The following UNC13C variants were observed in gnomAD, a reference collection of about 807,000 sequenced individuals.
The protein encoded by UNC13C is unc-13 homolog C, also known as protein unc-13 homolog C.
Under a neutral mutation model 245.4 loss-of-function variants are expected in UNC13C, and 174 were observed. The ratio of observed to expected loss-of-function variants is 0.71; its 90% confidence interval spans 0.63 to 0.80. The LOEUF is 0.80. UNC13C is among the 30% of genes least tolerant of loss of function. The pLI, the probability that UNC13C is intolerant of heterozygous loss-of-function variation, is 0.00. For missense variants in UNC13C, 2,829 were observed against 2,602.9 expected, an observed-to-expected ratio of 1.09 and a Z score of -1.89; for synonymous variants, 992 against 895.1, an observed-to-expected ratio of 1.11 and a Z score of -1.93.
At chr15:54,573,443 A>G (rs1555396983) in intron 30 of UNC13C, among the ~76,000 whole-genome samples, 1 of 152,254 alleles carries the variant, frequency 6.6e-6, no homozygotes, top group Non-Finnish European at 1.5e-5. Context: ...TGGATGTAGA[A>G]GTATTCTTAA....
intron 2 of UNC13C, chr15:54,049,048 A>G (rs1897162240): frequency 2.6e-6 from 1 of 388,714 alleles, no homozygotes; most frequent in African/African-American, 2.1e-5. Flanking sequence ...GAAGTGATAT[A>G]GATATCTCTA....
intron 30 of UNC13C, among the ~76,000 whole-genome samples, chr15:54,584,725 A>C (rs1898397542): frequency 6.6e-6 from 1 of 152,258 alleles, no homozygotes. Context: ...ACAAATGTTC[A>C]CTGTGCAGAG....
At chr15:54,215,522 A>T (rs1273677423) in intron 4 of UNC13C, among the ~76,000 whole-genome samples, 6 of 152,020 alleles carry the variant, frequency 3.9e-5, no homozygotes, top group Admixed American at 3.9e-4. Context: ...AAGGTTTGAA[A>T]GAAAGCCTGC....
At chr15:54,138,902 T>C (rs1595899793) in intron 2 of UNC13C, among the ~76,000 whole-genome samples, 1 of 150,214 alleles carries the variant, frequency 6.7e-6, no homozygotes, top group African/African-American at 2.4e-5. Context: ...GAAGCATCAC[T>C]AATCTTTACT....
At chr15:54,026,043 A>G (rs1014332097) in intron 2 of UNC13C, among the ~76,000 whole-genome samples, 2 of 152,168 alleles carry the variant, frequency 1.3e-5, no homozygotes, top group Non-Finnish European at 2.9e-5. Flanking sequence ...AGGCACACAT[A>G]CTGGTGTTCC....
At chr15:54,367,094 A>G (rs189785089) in intron 17 of UNC13C, among the ~76,000 whole-genome samples, 13 of 152,304 alleles carry the variant, frequency 8.5e-5, no homozygotes, top group Admixed American at 7.9e-4. Context: ...ATTAATTTAA[A>G]TCTATTAGTA....
intron 2 of UNC13C, chr15:54,049,784 ATC>A (rs1897195549): frequency 3.9e-6 from 1 of 254,370 alleles, no homozygotes; most frequent in Admixed American, 5.3e-5. Flanking sequence ...ACAATTCTCC[ATC>A]TGGAGCCCAG....
At chr15:54,531,581 G>A (rs1302701739) in intron 25 of UNC13C, among the ~76,000 whole-genome samples, 1 of 151,974 alleles carries the variant, frequency 6.6e-6, no homozygotes, top group East Asian at 1.9e-4. Flanking sequence ...GAGGAAAGCC[G>A]AGAAGGTGTG....
the UNC13C span, among the ~76,000 whole-genome samples, chr15:53,867,862 G>T: frequency 1.3e-5 from 2 of 152,024 alleles, no homozygotes; most frequent in Admixed American, 6.6e-5. Context: ...ACAGGATCTT[G>T]CTCTGTCACC....
chr15:54,118,224 T>C (rs1465189929), intron 2 of UNC13C, among the ~76,000 whole-genome samples: 1 of 152,180 alleles, frequency 6.6e-6, no homozygotes, highest in Non-Finnish European at 1.5e-5. Flanking sequence ...TGAGTATATT[T>C]AATCTGTGGA....
chr15:54,068,066 A>T (rs1898151494), intron 2 of UNC13C, among the ~76,000 whole-genome samples: 1 of 152,076 alleles, frequency 6.6e-6, no homozygotes. Flanking sequence ...CATCCCTTCA[A>T]TTTCATTACC....
At chr15:54,210,142 A>G (rs1180954411) in intron 4 of UNC13C, among the ~76,000 whole-genome samples, 1 of 150,692 alleles carries the variant, frequency 6.6e-6, no homozygotes, top group Non-Finnish European at 1.5e-5. Context: ...TACCTGACAT[A>G]TAGTTGTTGT....
chr15:54,449,788 C>G (rs1211499245), intron 19 of UNC13C, among the ~76,000 whole-genome samples: 1 of 152,222 alleles, frequency 6.6e-6, no homozygotes, highest in Non-Finnish European at 1.5e-5. Flanking sequence ...CAGTCATTCT[C>G]CGTCCAGCTT....
intron 4 of UNC13C, among the ~76,000 whole-genome samples, chr15:54,178,887 A>G (rs1428314586): frequency 6.6e-6 from 1 of 152,178 alleles, no homozygotes; most frequent in Non-Finnish European, 1.5e-5. Flanking sequence ...GCCTGCCTCA[A>G]ACACATAGTT....
intron 8 of UNC13C, among the ~76,000 whole-genome samples, chr15:54,259,114 C>A (rs2036356072): frequency 6.6e-6 from 1 of 152,238 alleles, no homozygotes; most frequent in Non-Finnish European, 1.5e-5. Context: ...TAATCCCATT[C>A]TTGAGGGCTC....
intron 2 of UNC13C, among the ~76,000 whole-genome samples, chr15:54,132,076 T>TTTTTTTTCTTTTTC (rs549957255): frequency 0.37 from 52,260 of 141,354 alleles, 11,547 homozygotes; most frequent in Non-Finnish European, 0.47. Context: ...TTCTTTTTCT[T>TTTTTTTTCTTTTTC]TTTTTTTTTT....
intron 4 of UNC13C, among the ~76,000 whole-genome samples, chr15:54,218,403 C>T (rs1490914178): frequency 6.6e-6 from 1 of 151,924 alleles, no homozygotes; most frequent in East Asian, 1.9e-4. Context: ...TGTGATATTA[C>T]TGTCTTACTT....
At chr15:54,289,196 G>A (rs568200191) in intron 10 of UNC13C, among the ~76,000 whole-genome samples, 1 of 152,122 alleles carries the variant, frequency 6.6e-6, no homozygotes, top group South Asian at 2.1e-4. Context: ...GAACATGGCT[G>A]CTCTCCTTTG....
chr15:54,355,483 A>G (rs1291573182), intron 17 of UNC13C, among the ~76,000 whole-genome samples: 1 of 151,900 alleles, frequency 6.6e-6, no homozygotes, highest in Admixed American at 6.6e-5. Flanking sequence ...CAGCCTCTCT[A>G]GAAGCTGGGG....
Sources: gnomAD v4.1 joint callset for allele counts (sites outside exome capture counted in the v4.1 genomes callset) on GRCh38, gnomAD v4.1.1 for gene constraint, MANE v1.5 for transcripts, NCBI Gene and HGNC (gene_info 2026-07-23, HGNC 2026-07-21) for gene names.